DCC: variants seen among roughly 807,000 people sequenced by gnomAD.
DCC encodes DCC netrin 1 receptor.
Under a neutral mutation model 172.5 loss-of-function variants are expected in DCC, and 58 were observed. The observed-to-expected ratio is 0.34, with a 90% CI of 0.27 to 0.42. The LOEUF is 0.42. Among genes scored for constraint, DCC ranks in the 10% least tolerant of loss-of-function variants. DCC has a pLI of 1.00. For synonymous variants in DCC, 709 were observed against 644.5 expected (o/e 1.10, Z -1.52); for missense variants, 1,740 against 1,791.0 (o/e 0.97, Z 0.51).
At chr18:52,901,938 AC>A (rs1280893203) in intron 2 of DCC, among the ~76,000 whole-genome samples, 2 of 152,212 alleles carry the variant, frequency 1.3e-5, no homozygotes, top group Middle Eastern at 3.2e-3. Flanking sequence ...AATTGTGAGT[AC>A]TATAAAAATT....
rs76011543 is a variant in DCC at position 52,663,186 on chromosome 18, G to A, written c.92-88868G>A. Among the ~76,000 whole-genome samples, 877 of 152,250 alleles carry A rather than the reference G, an allele frequency of 5.8e-3. 2 individuals are homozygous for A. The highest frequency in any genetic ancestry group is 8.1e-3 in the Non-Finnish European group (554 of 68,008). ...CAGCCAAGTTTCAAACAAATGTAAG[G>A]TCTTTTTCCCAACATTAAGTTTTCA... On this transcript the variant is annotated intron_variant, in intron 1 of 28. Coordinates refer to ENST00000442544, the MANE Select transcript of DCC (RefSeq NM_005215.4).
chr18:52,371,809 C>T (rs1168108897), intron 1 of DCC, among the ~76,000 whole-genome samples: 1 of 152,196 alleles, frequency 6.6e-6, no homozygotes, highest in East Asian at 1.9e-4. Flanking sequence ...AGTTTCAGGA[C>T]CTAAGGAAGA....
At chr18:52,812,855 T>C (rs2038227156) in intron 2 of DCC, among the ~76,000 whole-genome samples, 1 of 152,182 alleles carries the variant, frequency 6.6e-6, no homozygotes, top group Admixed American at 6.5e-5. Context: ...AATTTGATAG[T>C]GTATCAGGCT....
intron 2 of DCC, among the ~76,000 whole-genome samples, chr18:52,899,256 C>T (rs2039775563): frequency 6.6e-6 from 1 of 151,692 alleles, no homozygotes; most frequent in Admixed American, 6.6e-5. Flanking sequence ...CTCAAGTGAT[C>T]CTGCCACCTC....
At chr18:52,621,860 A>C (rs2034486552) in intron 1 of DCC, among the ~76,000 whole-genome samples, 1 of 152,168 alleles carries the variant, frequency 6.6e-6, no homozygotes, top group Non-Finnish European at 1.5e-5. Flanking sequence ...ATTTTATGTT[A>C]CTTGCTTTGC....
intron 1 of DCC, among the ~76,000 whole-genome samples, chr18:52,448,091 G>A (rs1325120152): frequency 3.9e-5 from 6 of 152,182 alleles, no homozygotes; most frequent in African/African-American, 1.4e-4. Flanking sequence ...GGGCCGCACA[G>A]CAGGAGGGGA....
chr18:53,125,795 G>T (rs2043547569), intron 7 of DCC, among the ~76,000 whole-genome samples: 1 of 152,034 alleles, frequency 6.6e-6, no homozygotes, highest in Admixed American at 6.6e-5. Flanking sequence ...TACTACCATT[G>T]ACTAACTTAA....
intron 2 of DCC, among the ~76,000 whole-genome samples, chr18:52,836,970 C>T (rs905383298): frequency 1.3e-5 from 2 of 152,220 alleles, no homozygotes; most frequent in African/African-American, 2.4e-5. Context: ...GCTTTCCAAA[C>T]CTCAATTCTT....
chr18:52,586,854 G>C (rs951785528), intron 1 of DCC, among the ~76,000 whole-genome samples: 1 of 152,142 alleles, frequency 6.6e-6, no homozygotes, highest in East Asian at 1.9e-4. Flanking sequence ...AATTCTATCA[G>C]TCCAGCTCCT....
At chr18:52,369,807 A>G (rs1022242994) in intron 1 of DCC, among the ~76,000 whole-genome samples, 6 of 152,140 alleles carry the variant, frequency 3.9e-5, no homozygotes, top group Admixed American at 1.3e-4. Flanking sequence ...GAATGCAATT[A>G]CCAGAGTGAA....
At chr18:53,083,203 T>C (rs1240352996) in intron 7 of DCC, among the ~76,000 whole-genome samples, 3 of 152,106 alleles carry the variant, frequency 2.0e-5, no homozygotes, top group African/African-American at 7.2e-5. Flanking sequence ...GGAGTGACAA[T>C]TGGTGTGCTA....
chr18:53,510,501 T>G (rs1339437683), intron 27 of DCC, among the ~76,000 whole-genome samples: 1 of 152,128 alleles, frequency 6.6e-6, no homozygotes, highest in Non-Finnish European at 1.5e-5. Context: ...ATGCCGTAAG[T>G]CAAAAGAGTA....
intron 15 of DCC, among the ~76,000 whole-genome samples, chr18:53,364,790 C>T (rs72927280): frequency 0.11 from 16,612 of 152,064 alleles, 960 homozygotes; most frequent in East Asian, 0.21. Context: ...GAACATTAGA[C>T]ATCATCTTGG....
chr18:53,326,050 C>G (rs1373628534), intron 14 of DCC, among the ~76,000 whole-genome samples: 1 of 152,202 alleles, frequency 6.6e-6, no homozygotes, highest in Admixed American at 6.5e-5. Context: ...CCTCACTCAT[C>G]CAACTGTTAC....
intron 2 of DCC, among the ~76,000 whole-genome samples, chr18:52,776,289 G>A (rs1412973442): frequency 7.3e-6 from 1 of 136,368 alleles, no homozygotes; most frequent in Admixed American, 6.9e-5. Context: ...AACTCCAAAA[G>A]AAGAACAAAA....
chr18:52,980,701 AAT>A (rs2041196114), intron 5 of DCC, among the ~76,000 whole-genome samples: 1 of 152,194 alleles, frequency 6.6e-6, no homozygotes, highest in African/African-American at 2.4e-5. Context: ...TTCTTAAACT[AAT>A]AAATGCTCAC....
At chr18:52,512,330 A>T (rs1279743213) in intron 1 of DCC, among the ~76,000 whole-genome samples, 2 of 152,128 alleles carry the variant, frequency 1.3e-5, no homozygotes. Context: ...GGTGCCACTA[A>T]CAAATTTGGC....
In DCC at chr18:52,491,954, G is replaced by A. The variant is rs1304817208; in HGVS notation, c.91+151076G>A. On this transcript the variant is annotated intron_variant, in intron 1 of 28. Transcript: ENST00000442544. ...TGGTGTGACATAAATTGGATAATAG[G>A]ATATGATGAGACAAAAAATATGTGT... 2.6e-5 allele frequency among the ~76,000 whole-genome samples: 4 copies of A among 151,686 alleles called. 1 individual carries two copies. The South Asian group carries it at 8.3e-4, about 31-fold the overall frequency.
chr18:52,875,675 A>C (rs1279073563), intron 2 of DCC, among the ~76,000 whole-genome samples: 4 of 152,228 alleles, frequency 2.6e-5, no homozygotes, highest in Admixed American at 2.6e-4. Context: ...TATGATGCTC[A>C]GCCCTCATAA....
Sources: allele counts gnomAD v4.1 joint callset (sites outside exome capture counted in the v4.1 genomes callset), GRCh38; gene constraint gnomAD v4.1.1; transcripts MANE v1.5; gene names NCBI Gene and HGNC (gene_info 2026-07-23, HGNC 2026-07-21).